The following BUB1 variants were observed in gnomAD, a reference collection of about 807,000 sequenced individuals.
The protein encoded by BUB1 is mitotic checkpoint serine/threonine-protein kinase BUB1.
A neutral mutation model predicts 135.2 loss-of-function variants in BUB1; 84 were observed. That is an observed-to-expected ratio of 0.62 (90% confidence interval 0.52 to 0.74). The LOEUF is 0.74. Among genes scored for constraint, BUB1 ranks in the 30% least tolerant of loss-of-function variants. The pLI is 0.00. For synonymous variants in BUB1, 403 were observed against 434.4 expected (o/e 0.93, Z 0.90); for missense variants, 1,162 against 1,288.3 (o/e 0.90, Z 1.50).
rs778192976 is a variant in BUB1 at position 110,641,080 on chromosome 2, C to G, written c.2909G>C (p.Gly970Ala). The stretch of plus-strand genomic sequence containing the variant: ...GCTGAGCATCTCAACACACTGAAAA[C>G]CAGATGTTTCACACTTTGCTGTGAA... ...TIFTAKCETSGFQCVEMLSNK... is the reference protein window; with the variant it reads ...TIFTAKCETSAFQCVEMLSNK... The change falls in exon 23 of 25, where the codon GGT becomes GCT. Residue 970 changes from glycine to alanine, a missense_variant. By Grantham distance (60) the Gly-to-Ala change is moderately conservative (BLOSUM62 0). Transcript: ENST00000302759. 1.2e-6 allele frequency: 2 copies of G among 1,610,172 alleles called. No homozygotes were observed. Among genetic ancestry groups the G allele is most frequent in the Admixed American group, 3.4e-5 (2 of 59,222 alleles).
At chr2:110,656,038 C>G in intron 15 of BUB1, 122 bp from the exon 16 acceptor site, 1 of 866,454 alleles carries the variant, frequency 1.2e-6, no homozygotes, top group African/African-American at 1.7e-5. Context: ...ATGTCAACCC[C>G]TGGCTAATAC....
rs763120668 is a variant in BUB1, at chr2:110,650,708, G to A, written c.2041C>T (p.Pro681Ser). 47 of 1,613,888 alleles carry A rather than the reference G, an allele frequency of 2.9e-5. 2 individuals are homozygous for A. In the South Asian group the frequency reaches 5.1e-4, roughly 17 times the overall value. Reference sequence around the variant, plus strand: ...CAGGTAAGTACCCCACCTGCAGCAGGCTGGCTCAGACGAAGTAAGGATGCT... The same window carrying A: ...CAGGTAAGTACCCCACCTGCAGCAGACTGGCTCAGACGAAGTAAGGATGCT... The part of the protein sequence containing the change: ...YSASLLRLSQ[P>S]AAGGVLTCEA... The change falls in exon 18 of 25, where the codon CCT becomes TCT. Residue 681 changes from proline (P) to serine (S), a missense_variant. Coordinates refer to ENST00000302759, the MANE Select transcript of BUB1 (RefSeq NM_004336.5).
chr2:110,642,110 G>T lies in BUB1; in HGVS notation c.2463+9C>A. The T allele has an allele frequency of 6.3e-7, 1 of 1,577,280 alleles. No homozygotes were observed. Among genetic ancestry groups the T allele is most frequent in the Non-Finnish European group, 8.7e-7 (1 of 1,153,754 alleles). On this transcript the variant is annotated intron_variant, in intron 20 of 24. Transcript: ENST00000302759. ...CTATATCATACAAAAGACAACTCAG[G>T]TCATTTACCTTTAAAACAAATTTCT...
intron 4 of BUB1, 82 bp from the exon 5 acceptor site, chr2:110,670,650 A>T (rs1459824433): frequency 7.2e-7 from 1 of 1,390,852 alleles, no homozygotes; most frequent in Non-Finnish European, 1.0e-6. Flanking sequence ...AATACCATAG[A>T]CAACTTATTA....
At chr2:110,669,580 G>A (rs760363472) in intron 5 of BUB1, 27 bp from the exon 6 acceptor site, 18 of 1,450,538 alleles carry the variant, frequency 1.2e-5, no homozygotes, top group South Asian at 3.4e-5. Context: ...GATAAAATAC[G>A]GAGAAATTAA....
Position 110,666,459 on chromosome 2 carries a change from G to A in BUB1, c.806-45C>T. 4 of 1,274,068 alleles carry A rather than the reference G, an allele frequency of 3.1e-6. No homozygotes were observed. In the East Asian group the frequency reaches 1.1e-4, roughly 37 times the overall value. The allele number at this position is 1,274,068 out of a possible 1,614,324, so 78.9% of individuals were successfully genotyped here. On this transcript the variant is annotated intron_variant, in intron 8 of 24. Coordinates refer to ENST00000302759, the MANE Select transcript of BUB1 (RefSeq NM_004336.5). Reference sequence around the variant, plus strand: ...GGTTTGCATGCAAAATTTAAATCCAGGTCATCATAGGAATACATGCAAAAT... The same window carrying A: ...GGTTTGCATGCAAAATTTAAATCCAAGTCATCATAGGAATACATGCAAAAT...
At chr2:110,656,212 A>G (rs2104535044) in intron 15 of BUB1, among the ~76,000 whole-genome samples, 1 of 152,314 alleles carries the variant, frequency 6.6e-6, no homozygotes, top group African/African-American at 2.4e-5. Context: ...GAATTTCCAC[A>G]TACCCTCCTC....
chr2:110,663,275 G>A (rs900084507), intron 9 of BUB1, among the ~76,000 whole-genome samples: 5 of 151,762 alleles, frequency 3.3e-5, no homozygotes, highest in South Asian at 4.2e-4. Context: ...GGGAGATTCC[G>A]TCTCAAAAAA....
At position 110,659,263 on chromosome 2, in the gene BUB1, CCT is replaced by C. The variant is rs1051315942; in HGVS notation, c.1277-523_1277-522del. 1.1e-4 allele frequency among the ~76,000 whole-genome samples: 16 copies of C among 152,240 alleles called. 1 individual carries two copies. Among genetic ancestry groups the C allele is most frequent in the African/African-American group, 3.1e-4 (13 of 41,540 alleles). ...CTTGAGGGCTTAGCACTTAATATTC[CCT>C]CTGTCTGAAAAGTTGCCCAAGCTAA... On this transcript the variant is annotated intron_variant, in intron 11 of 24. Transcript: ENST00000302759.
intron 11 of BUB1, among the ~76,000 whole-genome samples, chr2:110,659,146 C>T (rs1475868932): frequency 1.3e-5 from 2 of 152,164 alleles, no homozygotes; most frequent in African/African-American, 4.8e-5. Flanking sequence ...AGCCTGGGTC[C>T]TGTTTGGTCA....
At position 110,641,112 on chromosome 2, in the gene BUB1, T is replaced by G. The variant is rs1689491826; in HGVS notation, c.2877A>C (p.Gly959=). The G allele has an allele frequency of 1.2e-6, 2 of 1,613,520 alleles. No individual in the cohort carries two copies. The highest frequency in any genetic ancestry group is 1.7e-6 in the Non-Finnish European group (2 of 1,179,854). ...TTTCACACTTTGCTGTGAATATAGTTCCTTTTGGAAAAAGTTTCATATCTA... is the reference window on the plus strand; with the variant it reads ...TTTCACACTTTGCTGTGAATATAGTGCCTTTTGGAAAAAGTTTCATATCTA... ...QSIDMKLFPK[G]TIFTAKCETS... Residue 959 remains glycine (G), a synonymous_variant, in exon 23 of 25, where the codon GGA becomes GGC. Coordinates refer to ENST00000302759, the MANE Select transcript of BUB1 (RefSeq NM_004336.5).
chr2:110,641,969 A>G, intron 20 of BUB1, 150 bp downstream of exon 20: 1 of 1,017,916 alleles, frequency 9.8e-7, no homozygotes, highest in African/African-American at 1.6e-5. Flanking sequence ...GTGGGAAAAA[A>G]ATTCTAAATC....
rs1689405382 is a variant in BUB1 at position 110,637,893 on chromosome 2, A to T, written c.*71T>A. 1 of 1,100,976 alleles carries T rather than the reference A, an allele frequency of 9.1e-7. No individual in the cohort carries two copies. Among genetic ancestry groups the T allele is most frequent in the Non-Finnish European group, 1.2e-6 (1 of 817,874 alleles). The allele number at this position is 1,100,976 out of a possible 1,614,324, so 68.2% of individuals were successfully genotyped here. On this transcript the variant is annotated 3_prime_UTR_variant, in exon 25 of 25. Coordinates refer to ENST00000302759, the MANE Select transcript of BUB1 (RefSeq NM_004336.5). ...AACATTTACATAAACAATAAATGAA[A>T]AAAAAACAGGTTTAAAGTGAGCAGA...
intron 11 of BUB1, among the ~76,000 whole-genome samples, chr2:110,659,758 T>G (rs914462559): frequency 1.3e-5 from 2 of 152,224 alleles, no homozygotes; most frequent in Non-Finnish European, 2.9e-5. Context: ...TATTCACAAA[T>G]TACATTTCCA....
intron 24 of BUB1, among the ~76,000 whole-genome samples, chr2:110,638,495 T>A (rs944629956): frequency 1.3e-5 from 2 of 152,184 alleles, no homozygotes; most frequent in African/African-American, 4.8e-5. Flanking sequence ...TAGAATTGGA[T>A]AATCTGGACA....
chr2:110,659,505 A>C lies in BUB1; in HGVS notation c.1276+473T>G, dbSNP rs551029101. Among the ~76,000 whole-genome samples, 5 of 152,260 alleles carry C rather than the reference A, an allele frequency of 3.3e-5. No individual in the cohort carries two copies. In the South Asian group the frequency reaches 1.0e-3, roughly 32 times the overall value. On this transcript the variant is annotated intron_variant, in intron 11 of 24. Transcript: ENST00000302759. ...AGTTAATGAACCTCCAGCTATTTCA[A>C]ACAGCCCTCCTCCTCACCAAACTGT... is the stretch of plus-strand genomic sequence containing the variant.
rs1336654403 is a variant in BUB1, at chr2:110,641,014, C to A, written c.2955+20G>T. On this transcript the variant is annotated intron_variant, in intron 23 of 24. Transcript: ENST00000302759. ...GCAACACAGAAAAATATTTCCAAGT[C>A]CCTCACTTTAGTTTTATACCTGGTA... 6.5e-7 allele frequency: 1 copy of A among 1,527,622 alleles called. No individual in the cohort carries two copies. The highest frequency in any genetic ancestry group is 2.2e-5 in the Admixed American group (1 of 45,910). The allele number at this position is 1,527,622 out of a possible 1,614,324, so 94.6% of individuals were successfully genotyped here. A position where few individuals can be genotyped will look rare whatever the true frequency, so the allele number is the denominator to read the frequency against.
intron 14 of BUB1, 127 bp from the exon 15 acceptor site, chr2:110,657,244 G>T: frequency 2.8e-6 from 2 of 724,360 alleles, no homozygotes; most frequent in Non-Finnish European, 4.3e-6. Flanking sequence ...GATATTCCTT[G>T]CTTTTATAGC....
chr2:110,675,341 A>G (rs1436719289), intron 1 of BUB1: 3 of 152,300 alleles, frequency 2.0e-5, no homozygotes, highest in Admixed American at 1.3e-4. Context: ...AGGCTGGTCA[A>G]GGAAGCCCTG....
Sources: allele counts gnomAD v4.1 joint callset (sites outside exome capture counted in the v4.1 genomes callset), GRCh38; gene constraint gnomAD v4.1.1; transcripts MANE v1.5; gene names NCBI Gene and HGNC (gene_info 2026-07-23, HGNC 2026-07-21).